CHM: variants seen among roughly 807,000 people sequenced by gnomAD.
CHM encodes the protein CHM Rab escort protein, also known as rab proteins geranylgeranyltransferase component A 1.
In CHM, 10 loss-of-function variants were observed where a neutral mutation model predicts 49.0. The ratio of observed to expected loss-of-function variants is 0.20; its 90% CI spans 0.13 to 0.35. The LOEUF is 0.35. Among genes scored for constraint, CHM ranks in the 10% least tolerant of loss-of-function variants. The pLI is 1.00. For missense variants in CHM, 455 were observed against 478.4 expected, an observed-to-expected ratio of 0.95 and a Z score of 0.46; for synonymous variants, 184 against 167.5, an observed-to-expected ratio of 1.10 and a Z score of -0.76.
rs781540987 is a variant in CHM at position 85,873,069 on chromosome X, C to A, written c.1753G>T (p.Asp585Tyr). Residue 585 changes from aspartate to tyrosine, a missense_variant, in exon 14 of 15, where the codon GAT (aspartate) becomes TAT (tyrosine). Coordinates refer to ENST00000357749, the MANE Select transcript of CHM (RefSeq NM_000390.4). ...CSGPDCGLGN[D>Y]NAVKQAETLF... The stretch of plus-strand genomic sequence containing the variant: ...AGCCTTACCTGTTTGACTGCATTAT[C>A]ATTTCCTAAACCACAATCTGGGCCA... 8.3e-7 allele frequency: 1 copy of A among 1,209,199 alleles called. No individual in the cohort carries two copies. The highest frequency in any genetic ancestry group is 2.2e-5 in the Admixed American group (1 of 45,958).
chrX:85,956,803 T>TC (rs1212145880), intron 7 of CHM, among the ~76,000 whole-genome samples: 5 of 111,393 alleles, frequency 4.5e-5, no homozygotes, highest in Admixed American at 9.6e-5. Context: ...CGTATACTTC[T>TC]CACTGATACT....
intron 2 of CHM, among the ~76,000 whole-genome samples, chrX:85,983,048 A>T (rs1931715248): frequency 9.0e-6 from 1 of 111,345 alleles, no homozygotes; most frequent in Admixed American, 9.6e-5. Context: ...CCCAATTCTG[A>T]TTCATGTTTC....
intron 2 of CHM, among the ~76,000 whole-genome samples, chrX:85,982,889 G>A (rs1025915060): frequency 3.6e-5 from 4 of 111,705 alleles, no homozygotes; most frequent in African/African-American, 1.3e-4. Flanking sequence ...TGTAATCCCA[G>A]CTACTTGGGA....
intron 1 of CHM, among the ~76,000 whole-genome samples, chrX:86,043,615 C>A (rs1206443701): frequency 9.0e-6 from 1 of 110,674 alleles, no homozygotes; most frequent in Non-Finnish European, 1.9e-5. Flanking sequence ...GCTGTGTCAC[C>A]CATTTCAGCT....
intron 1 of CHM, among the ~76,000 whole-genome samples, chrX:86,041,473 T>A (rs1372308221): frequency 9.1e-6 from 1 of 109,346 alleles, no homozygotes; most frequent in African/African-American, 3.3e-5. Flanking sequence ...ATACTATACC[T>A]CAAATAAGAC....
At chrX:86,020,687 C>T (rs1463349739) in intron 2 of CHM, among the ~76,000 whole-genome samples, 1 of 98,605 alleles carries the variant, frequency 1.0e-5, no homozygotes, top group Non-Finnish European at 2.1e-5. Context: ...CCGATATATA[C>T]ATCTGATATA....
intron 8 of CHM, among the ~76,000 whole-genome samples, chrX:85,949,978 A>AAAATATATATATAT (rs1288084776): frequency 2.3e-5 from 1 of 42,807 alleles, no homozygotes; most frequent in Non-Finnish European, 4.4e-5. Flanking sequence ...ACTGAAATTA[A>AAAATATATATATAT]ATATATATAT....
At chrX:85,953,373 C>T (rs192196063) in intron 8 of CHM, among the ~76,000 whole-genome samples, 1 of 111,252 alleles carries the variant, frequency 9.0e-6, no homozygotes, top group Non-Finnish European at 1.9e-5. Flanking sequence ...AGATTTAATG[C>T]AATCTATATC....
chrX:85,887,680 CA>C (rs775006300), intron 12 of CHM, among the ~76,000 whole-genome samples: 3 of 111,175 alleles, frequency 2.7e-5, no homozygotes, highest in African/African-American at 9.8e-5. Flanking sequence ...TGGCTTTGAC[CA>C]AAATGTTGAT....
At chrX:85,978,948 T>C in intron 3 of CHM, 57 bp from the exon 4 acceptor site, 1 of 1,138,521 alleles carries the variant, frequency 8.8e-7, no homozygotes, top group South Asian at 1.9e-5. Flanking sequence ...AAACATGCAA[T>C]TTTCTGAGAA....
intron 1 of CHM, among the ~76,000 whole-genome samples, chrX:86,039,711 A>G (rs1934386399): frequency 9.1e-6 from 1 of 110,449 alleles, no homozygotes; most frequent in Non-Finnish European, 1.9e-5. Context: ...CTTTTCCGAA[A>G]CCACTTACGG....
At chrX:85,998,461 A>G (rs971699959) in intron 2 of CHM, among the ~76,000 whole-genome samples, 1 of 112,059 alleles carries the variant, frequency 8.9e-6, no homozygotes, top group African/African-American at 3.2e-5. Flanking sequence ...GACTTATGAT[A>G]TAACATCCTG....
chrX:85,909,911 G>A (rs934920346), intron 9 of CHM, among the ~76,000 whole-genome samples: 1 of 111,738 alleles, frequency 8.9e-6, no homozygotes, highest in African/African-American at 3.2e-5. Context: ...AAAGAAAAAT[G>A]ATTCTAGAAG....
chrX:85,981,861 A>G (rs762613222), intron 2 of CHM, 52 bp from the exon 3 acceptor site: 11 of 921,201 alleles, frequency 1.2e-5, no homozygotes, highest in Non-Finnish European at 1.7e-5. Flanking sequence ...ATAAAAATCA[A>G]TTCACTGATC....
At chrX:85,973,369 A>G (rs1931080075) in intron 4 of CHM, among the ~76,000 whole-genome samples, 1 of 106,221 alleles carries the variant, frequency 9.4e-6, no homozygotes, top group Admixed American at 1.0e-4. Flanking sequence ...ATTCTACCCT[A>G]ATATACACCA....
At chrX:85,951,578 C>A (rs1453314721) in intron 8 of CHM, among the ~76,000 whole-genome samples, 2 of 111,691 alleles carry the variant, frequency 1.8e-5, no homozygotes, top group African/African-American at 6.5e-5. Flanking sequence ...GATCACTAAT[C>A]AGAATATATT....
chrX:85,934,012 GCT>G (rs1413897340), intron 8 of CHM, among the ~76,000 whole-genome samples: 2 of 105,536 alleles, frequency 1.9e-5, no homozygotes, highest in Non-Finnish European at 3.9e-5. Flanking sequence ...ACGGAGTCTC[GCT>G]CTGTTGCCCA....
rs780259893 is a variant in CHM at position 85,981,799 on chromosome X, A to G, written c.127T>C (p.Tyr43His). Residue 43 changes from tyrosine to histidine, a missense_variant, in exon 3 of 15, where the codon TAT becomes CAT. By Grantham distance (83) the Tyr-to-His change is moderately conservative. Transcript: ENST00000357749. ...RVLHVDSRSYYGGNWASFSFS... is the reference protein window; with the variant it reads ...RVLHVDSRSYHGGNWASFSFS... Reference sequence around the variant, plus strand: ...CTAAAACTGGCCCAGTTTCCTCCATAGTAGCTTCTTCTGTAACAATTAAAA... The same window carrying G: ...CTAAAACTGGCCCAGTTTCCTCCATGGTAGCTTCTTCTGTAACAATTAAAA... 1.7e-6 allele frequency: 2 copies of G among 1,154,966 alleles called. No individual in the cohort carries two copies. The highest frequency in any genetic ancestry group is 2.3e-6 in the Non-Finnish European group (2 of 855,475).
intron 4 of CHM, chrX:85,971,264 G>A (rs1930884569): frequency 2.7e-6 from 2 of 750,861 alleles, no homozygotes; most frequent in South Asian, 6.7e-5. Flanking sequence ...CGGTGTGTCC[G>A]GAATTGGTGG....
Sources: allele counts gnomAD v4.1 joint callset (sites outside exome capture counted in the v4.1 genomes callset), GRCh38; gene constraint gnomAD v4.1.1; transcripts MANE v1.5; gene names NCBI Gene and HGNC (gene_info 2026-07-23, HGNC 2026-07-21).